The following ATXN10 variants were observed in gnomAD, a reference collection of about 807,000 sequenced individuals.
The protein encoded by ATXN10 is ataxin-10.
In ATXN10, 28 loss-of-function variants were observed where a neutral mutation model predicts 52.9. The ratio of observed to expected loss-of-function variants is 0.53; its 90% CI spans 0.39 to 0.73. ATXN10 has a LOEUF of 0.73. ATXN10 is among the 30% of genes least tolerant of loss of function. ATXN10 has a pLI of 0.00. For missense variants in ATXN10, 565 were observed against 577.0 expected (o/e 0.98, Z 0.21); for synonymous variants, 226 against 221.5 (o/e 1.02, Z -0.18).
At chr22:45,752,921 G>C (rs1280136010) in intron 9 of ATXN10, among the ~76,000 whole-genome samples, 3 of 151,754 alleles carry the variant, frequency 2.0e-5, no homozygotes, top group Non-Finnish European at 4.4e-5. Flanking sequence ...TTTAGTAGAG[G>C]TGGGGTTTTC....
intron 1 of ATXN10, among the ~76,000 whole-genome samples, chr22:45,686,000 C>T (rs1335884789): frequency 6.6e-6 from 1 of 152,246 alleles, no homozygotes; most frequent in Admixed American, 6.5e-5. Context: ...GTTTGCTTAA[C>T]AGCAGTCATA....
intron 6 of ATXN10, among the ~76,000 whole-genome samples, chr22:45,724,850 C>G (rs1464785794): frequency 6.6e-6 from 1 of 151,990 alleles, no homozygotes; most frequent in Non-Finnish European, 1.5e-5. Flanking sequence ...GGTGAGAGAT[C>G]TAGTTTCATT....
chr22:45,767,468 T>C (rs920819889), intron 9 of ATXN10, among the ~76,000 whole-genome samples: 4 of 151,922 alleles, frequency 2.6e-5, no homozygotes, highest in African/African-American at 9.7e-5. Flanking sequence ...ACATTTTTTC[T>C]ATATAATTTA....
At chr22:45,779,709 A>G (rs551908221) in intron 9 of ATXN10, among the ~76,000 whole-genome samples, 2 of 152,346 alleles carry the variant, frequency 1.3e-5, no homozygotes, top group Admixed American at 6.5e-5. Flanking sequence ...GACCAATTCT[A>G]TATTGCCTTG....
rs1373592138 is a variant in ATXN10, at chr22:45,712,009, T to C, written c.648-6404T>C. ...GAATACTTTAGAATATAAAAAAAAG[T>C]TTCTTCTGTAAACATTGACTGGCAA... is the stretch of plus-strand genomic sequence containing the variant. On this transcript the variant is annotated intron_variant, in intron 5 of 11. Transcript: ENST00000252934. This position sits in a 1 kb window ranked among gnomAD's most constrained non-coding sequence, Gnocchi z 4.6. Among the ~76,000 whole-genome samples the C allele has an allele frequency of 6.6e-6, 1 of 152,206 alleles. No homozygotes were observed. Among genetic ancestry groups the C allele is most frequent in the Non-Finnish European group, 1.5e-5 (1 of 68,036 alleles).
chr22:45,826,486 T>C lies in ATXN10; in HGVS notation c.1238-16505T>C, dbSNP rs1391825090. ...GTTAAGATGAACTCAAGGAGACATA[T>C]TATAGTCAGAGTTTTGAAAGACAGA... On this transcript the variant is annotated intron_variant, in intron 10 of 11. Coordinates refer to ENST00000252934, the MANE Select transcript of ATXN10 (RefSeq NM_013236.4). The surrounding 1 kb of genome is among the most constrained non-coding windows in gnomAD (Gnocchi z 5.0). 1.3e-5 allele frequency among the ~76,000 whole-genome samples: 2 copies of C among 152,112 alleles called. No individual in the cohort carries two copies. The highest frequency in any genetic ancestry group is 2.9e-5 in the Non-Finnish European group (2 of 68,014).
intron 9 of ATXN10, among the ~76,000 whole-genome samples, chr22:45,758,611 A>G (rs1473324784): frequency 2.0e-5 from 3 of 152,246 alleles, no homozygotes; most frequent in Admixed American, 6.5e-5. Context: ...TCTGACAGCT[A>G]TCTTTAAGAT....
intron 9 of ATXN10, chr22:45,740,784 A>T (rs986439213): frequency 9.0e-6 from 2 of 221,628 alleles, no homozygotes; most frequent in Non-Finnish European, 1.8e-5. Flanking sequence ...GTTAATATAT[A>T]GGCTCTTTGG....
chr22:45,722,707 G>T (rs893496801), intron 6 of ATXN10, among the ~76,000 whole-genome samples: 22 of 151,908 alleles, frequency 1.4e-4, no homozygotes, highest in African/African-American at 5.3e-4. Context: ...CACCTCATCC[G>T]CTTGGACCCC....
intron 10 of ATXN10, among the ~76,000 whole-genome samples, chr22:45,814,875 G>T (rs1193717201): frequency 6.6e-6 from 1 of 152,226 alleles, no homozygotes; most frequent in Non-Finnish European, 1.5e-5. Flanking sequence ...AGGGATCTAG[G>T]TTGCATGCTC....
intron 9 of ATXN10, among the ~76,000 whole-genome samples, chr22:45,742,913 A>G (rs1925592259): frequency 6.6e-6 from 1 of 152,240 alleles, no homozygotes; most frequent in South Asian, 2.1e-4. Flanking sequence ...TTTAATGACC[A>G]GGACTGCCTT....
chr22:45,810,500 G>A (rs1293954814), intron 10 of ATXN10, among the ~76,000 whole-genome samples: 1 of 152,126 alleles, frequency 6.6e-6, no homozygotes, highest in African/African-American at 2.4e-5. Context: ...AGAAAACCTC[G>A]TTTACCACTA....
chr22:45,807,026 T>A lies in ATXN10; in HGVS notation c.1237+4T>A. ...AACATCAGTGACAGTAACCCCTGTA[T>A]CCTTGCATGTGAATTACCATGCACA... is the stretch of plus-strand genomic sequence containing the variant. On this transcript the variant is annotated splice_donor_region_variant and intron_variant, in intron 10 of 11. Transcript: ENST00000252934. The A allele has an allele frequency of 1.2e-6, 2 of 1,613,240 alleles. No individual in the cohort carries two copies. The highest frequency in any genetic ancestry group is 1.7e-6 in the Non-Finnish European group (2 of 1,179,172).
At chr22:45,808,416 A>T (rs1928173068) in intron 10 of ATXN10, among the ~76,000 whole-genome samples, 2 of 152,208 alleles carry the variant, frequency 1.3e-5, no homozygotes, top group Non-Finnish European at 2.9e-5. Flanking sequence ...GCTTTTAGCA[A>T]AGACCAGAAA....
chr22:45,742,999 G>T (rs1925595717), intron 9 of ATXN10, among the ~76,000 whole-genome samples: 1 of 152,168 alleles, frequency 6.6e-6, no homozygotes, highest in Admixed American at 6.5e-5. Flanking sequence ...CCTCTTATAG[G>T]AACAAAATGC....
In ATXN10 at chr22:45,683,681, G is replaced by T. The variant is rs2146730056; in HGVS notation, c.117-6031G>T. Among the ~76,000 whole-genome samples, 1 of 152,268 alleles carries T rather than the reference G, an allele frequency of 6.6e-6. No individual in the cohort carries two copies. Among genetic ancestry groups the T allele is most frequent in the South Asian group, 2.1e-4 (1 of 4,818 alleles). On this transcript the variant is annotated intron_variant, in intron 1 of 11. Transcript: ENST00000252934. This position sits in a 1 kb window ranked among gnomAD's most constrained non-coding sequence, Gnocchi z 4.8. ...TTTTCTTCCAAAGCCTTGCAATTTT[G>T]TCTTCCATGTAATTCCTAAATCCAC...
chr22:45,829,417 T>G (rs1014225554), intron 10 of ATXN10, among the ~76,000 whole-genome samples: 3 of 152,134 alleles, frequency 2.0e-5, no homozygotes, highest in Non-Finnish European at 2.9e-5. Flanking sequence ...GGCATCCAAA[T>G]TAGAGGAAGA....
chr22:45,703,201 G>A (rs1441467532), intron 5 of ATXN10, among the ~76,000 whole-genome samples: 2 of 152,150 alleles, frequency 1.3e-5, no homozygotes, highest in African/African-American at 4.8e-5. Context: ...ATCAGAGGTT[G>A]GTGCGAGCCT....
intron 7 of ATXN10, among the ~76,000 whole-genome samples, chr22:45,735,157 G>A (rs1925244163): frequency 6.6e-6 from 1 of 152,056 alleles, no homozygotes; most frequent in Admixed American, 6.6e-5. Context: ...AGGATTATAG[G>A]CATGGGCCAC....
Sources: allele counts gnomAD v4.1 joint callset (sites outside exome capture counted in the v4.1 genomes callset), GRCh38; gene constraint gnomAD v4.1.1; non-coding constraint Gnocchi (gnomAD v3.1); transcripts MANE v1.5; gene names NCBI Gene and HGNC (gene_info 2026-07-23, HGNC 2026-07-21).